Variants in PPP1R3A observed in about 807,000 individuals in gnomAD.
The protein encoded by PPP1R3A is protein phosphatase 1 regulatory subunit 3A, also known as RG1.
In PPP1R3A, 29 loss-of-function variants were observed where a neutral mutation model predicts 41.7. That is an observed-to-expected ratio of 0.70 (90% CI 0.52 to 0.95). The LOEUF (loss-of-function observed/expected upper bound fraction) is 0.95. Among genes scored for constraint, PPP1R3A ranks in the 40% least tolerant of loss-of-function variants. The pLI is 0.00. For missense variants in PPP1R3A, 1,352 were observed against 1,292.4 expected, an observed-to-expected ratio of 1.05 and a Z score of -0.71; for synonymous variants, 485 against 453.4, an observed-to-expected ratio of 1.07 and a Z score of -0.89.
intron 1 of PPP1R3A, among the ~76,000 whole-genome samples, chr7:113,910,841 C>T (rs1305585838): frequency 6.6e-6 from 1 of 152,030 alleles, no homozygotes; most frequent in Admixed American, 6.6e-5. Flanking sequence ...TGTCAATGGG[C>T]TAAGAAATGT....
At chr7:113,883,362 A>T (rs1796726997) in intron 1 of PPP1R3A, among the ~76,000 whole-genome samples, 1 of 151,992 alleles carries the variant, frequency 6.6e-6, no homozygotes, top group Non-Finnish European at 1.5e-5. Context: ...AGCAATTCTG[A>T]TCCAAATCCC....
At chr7:113,889,263 T>C (rs539157315) in intron 1 of PPP1R3A, among the ~76,000 whole-genome samples, 10 of 152,280 alleles carry the variant, frequency 6.6e-5, no homozygotes, top group South Asian at 2.1e-4. Context: ...CCAGTTGCCC[T>C]GCTTCTTACT....
intron 1 of PPP1R3A, among the ~76,000 whole-genome samples, chr7:113,883,332 A>G (rs948707800): frequency 2.0e-5 from 3 of 152,134 alleles, no homozygotes; most frequent in Non-Finnish European, 4.4e-5. Flanking sequence ...GTGTAACAAG[A>G]GTCTAGACTT....
At position 113,877,987 on chromosome 7, in the gene PPP1R3A, C is replaced by T. The variant is rs1796601094; in HGVS notation, c.3105G>A (p.Gly1035=). The T allele has an allele frequency of 6.2e-7, 1 of 1,613,250 alleles. No homozygotes were observed. Among genetic ancestry groups the T allele is most frequent in the Non-Finnish European group, 8.5e-7 (1 of 1,179,600 alleles). ...RHENEGLVSS[G]QSLYTSGEKE... ...TTTCACCTGAAGTGTATAGTGATTG[C>T]CCAGAGCTTACTAATCCTTCATTTT... Residue 1035 remains glycine, a synonymous_variant, in exon 4 of 4, where the codon GGG becomes GGA. Coordinates refer to ENST00000284601, the MANE Select transcript of PPP1R3A (RefSeq NM_002711.4).
intron 1 of PPP1R3A, among the ~76,000 whole-genome samples, chr7:113,911,662 T>C (rs1160956930): frequency 1.3e-5 from 2 of 152,072 alleles, no homozygotes; most frequent in Non-Finnish European, 2.9e-5. Flanking sequence ...TTGCTAAAAT[T>C]TGGAAATCAT....
intron 3 of PPP1R3A, among the ~76,000 whole-genome samples, chr7:113,880,767 T>C (rs878912836): frequency 6.6e-6 from 1 of 151,854 alleles, no homozygotes; most frequent in Non-Finnish European, 1.5e-5. Flanking sequence ...AATAATTATA[T>C]GCAAATCTTA....
chr7:113,904,368 T>G (rs777921212), intron 1 of PPP1R3A, among the ~76,000 whole-genome samples: 11 of 151,722 alleles, frequency 7.3e-5, no homozygotes, highest in Non-Finnish European at 1.3e-4. Context: ...TACTACAATG[T>G]AACTGTGAAG....
At chr7:113,889,218 A>G (rs770931463) in intron 1 of PPP1R3A, among the ~76,000 whole-genome samples, 1 of 152,114 alleles carries the variant, frequency 6.6e-6, no homozygotes, top group Non-Finnish European at 1.5e-5. Context: ...CAGGTGGGAG[A>G]GTCATTCCTT....
At position 113,877,702 on chromosome 7, in the gene PPP1R3A, G is replaced by A; in HGVS notation, c.*21C>T. The stretch of plus-strand genomic sequence containing the variant: ...TGGGGTTAAATAGCTTATCTTTTAA[G>A]AGAGAATAGTAGTGCTGAGGTTACT... On this transcript the variant is annotated 3_prime_UTR_variant, in exon 4 of 4. Coordinates refer to ENST00000284601, the MANE Select transcript of PPP1R3A (RefSeq NM_002711.4). 6.6e-7 allele frequency: 1 copy of A among 1,521,734 alleles called. No homozygotes were observed. 94.3% of individuals were successfully genotyped at this position (1,521,734 alleles called of 1,614,324 possible). A position where few individuals can be genotyped will look rare whatever the true frequency, so the allele number is the denominator to read the frequency against.
In PPP1R3A at chr7:113,880,075, C is replaced by T. The variant is rs1279895466; in HGVS notation, c.1017G>A (p.Arg339=). 19 of 1,608,902 alleles carry T rather than the reference C, an allele frequency of 1.2e-5. No individual in the cohort carries two copies. Among genetic ancestry groups the T allele is most frequent in the Admixed American group, 1.7e-5 (1 of 59,816 alleles). The change falls in exon 4 of 4, where the codon AGG becomes AGA. Residue 339 remains arginine (R), a synonymous_variant. Transcript: ENST00000284601. ...TGACTGGATCTGTTGAAAATGTATT[C>T]CTTTCATCTCTGGAAGCAGTACTTC... ...RTRSTASRDE[R]NTFSTDPVNF...
chr7:113,897,263 T>C (rs929600997), intron 1 of PPP1R3A, among the ~76,000 whole-genome samples: 8 of 151,846 alleles, frequency 5.3e-5, no homozygotes, highest in African/African-American at 1.4e-4. Context: ...TATATCTCCA[T>C]ATAAATTAAT....
intron 1 of PPP1R3A, among the ~76,000 whole-genome samples, chr7:113,886,683 T>C (rs1309142436): frequency 6.6e-6 from 1 of 152,186 alleles, no homozygotes; most frequent in African/African-American, 2.4e-5. Context: ...AGTTCAATTC[T>C]AGTTTCAAAT....
At position 113,879,128 on chromosome 7, in the gene PPP1R3A, CT is replaced by C; in HGVS notation, c.1963del (p.Ser655ValfsTer18). The stretch of plus-strand genomic sequence containing the variant: ...TCCCTGACTTTCCAGAACATTCCAA[CT>C]TTGTTTATGCTGTGGGCTATTATCC... Reference protein sequence around the residue: ...DQDNSPQHKQSWNVLESQGKS... With the variant: ...DQDNSPQHKQXWNVLESQGKS... On this transcript the variant is annotated frameshift_variant, in exon 4 of 4. Coordinates refer to ENST00000284601, the MANE Select transcript of PPP1R3A (RefSeq NM_002711.4). LOFTEE classifies it low-confidence loss of function (END_TRUNC). The C allele has an allele frequency of 5.6e-6, 9 of 1,613,770 alleles. No homozygotes were observed. Among genetic ancestry groups the C allele is most frequent in the Non-Finnish European group, 7.6e-6 (9 of 1,179,812 alleles).
rs976127936 is a variant in PPP1R3A, at chr7:113,879,762, G to A, written c.1330C>T (p.Pro444Ser). The A allele has an allele frequency of 6.2e-7, 1 of 1,613,326 alleles. No individual in the cohort carries two copies. The highest frequency in any genetic ancestry group is 1.7e-5 in the Admixed American group (1 of 59,908). ...SKEVLDDNAN[P>S]AHGNGTVQIP... ...TGCACTGTGCCATTGCCATGGGCTG[G>A]ATTAGCATTATCATCCAGGACTTCT... Residue 444 changes from proline (P) to serine (S), a missense_variant, in exon 4 of 4, where the codon CCA becomes TCA. Physicochemically the swap from Pro to Ser is moderately conservative, Grantham distance 74. Coordinates refer to ENST00000284601, the MANE Select transcript of PPP1R3A (RefSeq NM_002711.4).
At chr7:113,900,585 A>G (rs1797045431) in intron 1 of PPP1R3A, among the ~76,000 whole-genome samples, 1 of 149,654 alleles carries the variant, frequency 6.7e-6, no homozygotes, top group East Asian at 2.0e-4. Flanking sequence ...TATACATAAA[A>G]TATTGATATA....
chr7:113,887,598 T>C (rs746084278), intron 1 of PPP1R3A, among the ~76,000 whole-genome samples: 3 of 152,108 alleles, frequency 2.0e-5, no homozygotes, highest in Non-Finnish European at 4.4e-5. Flanking sequence ...CAGGAGACTG[T>C]TGGAGAAATC....
At chr7:113,907,014 C>T (rs1797159426) in intron 1 of PPP1R3A, among the ~76,000 whole-genome samples, 1 of 151,442 alleles carries the variant, frequency 6.6e-6, no homozygotes, top group South Asian at 2.1e-4. Flanking sequence ...TAGTAAGAGA[C>T]AAGGAAAAAA....
chr7:113,901,250 T>C (rs1032272561), intron 1 of PPP1R3A, among the ~76,000 whole-genome samples: 1 of 151,672 alleles, frequency 6.6e-6, no homozygotes, highest in African/African-American at 2.4e-5. Context: ...CAAGGAGCGT[T>C]AAAACCCAAT....
chr7:113,904,440 T>C (rs1797114156), intron 1 of PPP1R3A, among the ~76,000 whole-genome samples: 1 of 151,780 alleles, frequency 6.6e-6, no homozygotes, highest in Non-Finnish European at 1.5e-5. Context: ...TACATAAGTT[T>C]ATGTAATAGC....
Sources: allele counts gnomAD v4.1 joint callset (sites outside exome capture counted in the v4.1 genomes callset), GRCh38; gene constraint gnomAD v4.1.1; transcripts MANE v1.5; gene names NCBI Gene and HGNC (gene_info 2026-07-23, HGNC 2026-07-21).